Variants in BCAS3 observed in about 807,000 individuals in gnomAD.
BCAS3 encodes the protein BCAS4/BCAS3 fusion.
In BCAS3, 53 loss-of-function variants were observed where a neutral mutation model predicts 116.1. That is an observed-to-expected ratio of 0.46 (90% confidence interval 0.37 to 0.57). BCAS3 has a LOEUF of 0.57. BCAS3 is among the 20% of genes least tolerant of loss of function. The probability of loss-of-function intolerance (pLI) is 0.00; values close to 1 mark genes in which losing one functional copy is unlikely to be tolerated. For missense variants in BCAS3, 917 were observed against 1,165.4 expected (o/e 0.79, Z 3.10); for synonymous variants, 391 against 408.2 (o/e 0.96, Z 0.51).
chr17:61,011,513 T>G (rs1048964884), intron 15 of BCAS3, among the ~76,000 whole-genome samples: 4 of 152,102 alleles, frequency 2.6e-5, no homozygotes, highest in African/African-American at 9.7e-5. Flanking sequence ...TCTGGCAACC[T>G]TCTGAAGTAC....
At chr17:61,016,171 C>T (rs1273481423) in intron 16 of BCAS3, among the ~76,000 whole-genome samples, 1 of 152,172 alleles carries the variant, frequency 6.6e-6, no homozygotes, top group Non-Finnish European at 1.5e-5. Flanking sequence ...CCATCTACTT[C>T]GTCTTATGCT....
rs1466110024 is a variant in BCAS3 at position 61,300,891 on chromosome 17, A to G, written c.2426-67436A>G. ...CATATATTTGTGACAGGACATCTTC[A>G]TCTTAGTGCCACAGACCACTGGCAA... On this transcript the variant is annotated intron_variant, in intron 22 of 23. Coordinates refer to ENST00000407086, the MANE Select transcript of BCAS3 (RefSeq NM_017679.5). The surrounding 1 kb of genome is among the most constrained non-coding windows in gnomAD (Gnocchi z 5.1). Among the ~76,000 whole-genome samples, 1 of 152,192 alleles carries G rather than the reference A, an allele frequency of 6.6e-6. No homozygotes were observed.
Position 61,046,393 on chromosome 17 carries a change from T to C in BCAS3, c.2029+5501T>C, listed in dbSNP as rs1407214953. Among the ~76,000 whole-genome samples the C allele has an allele frequency of 1.1e-4, 17 of 151,400 alleles. 1 individual carries two copies. The highest frequency in any genetic ancestry group is 1.1e-3 in the Admixed American group (16 of 15,142). On this transcript the variant is annotated intron_variant, in intron 19 of 23. Transcript: ENST00000407086. ...ATTATTCTCAAAGAATTTTCAAATATAGTCATTCCTTGGTGTCATGGGAAA... is the reference window on the plus strand; with the variant it reads ...ATTATTCTCAAAGAATTTTCAAATACAGTCATTCCTTGGTGTCATGGGAAA...
chr17:60,953,814 A>C (rs1442246910), intron 14 of BCAS3, among the ~76,000 whole-genome samples: 1 of 150,662 alleles, frequency 6.6e-6, no homozygotes, highest in African/African-American at 2.5e-5. Context: ...GCTCACTGCA[A>C]CCTCTGCCTC....
intron 13 of BCAS3, among the ~76,000 whole-genome samples, chr17:60,928,975 T>G (rs2059500807): frequency 6.6e-6 from 1 of 152,248 alleles, no homozygotes. Flanking sequence ...CATAGATACC[T>G]CAGTAGCTGG....
chr17:61,087,128 A>T lies in BCAS3; in HGVS notation c.2425+2564A>T. ...AAAAAGAATCTAATAAATTTTTATA[A>T]TTGCTCTTGAACCGGGAAGTGCACC... On this transcript the variant is annotated intron_variant, in intron 22 of 23. Coordinates refer to ENST00000407086, the MANE Select transcript of BCAS3 (RefSeq NM_017679.5). This position sits in a 1 kb window ranked among gnomAD's most constrained non-coding sequence, Gnocchi z 4.6. 1.0e-6 allele frequency: 1 copy of T among 985,168 alleles called. No homozygotes were observed. The highest frequency in any genetic ancestry group is 4.7e-5 in the South Asian group (1 of 21,274). The allele number at this position is 985,168 out of a possible 1,614,324, so 61.0% of individuals were successfully genotyped here. A position where few individuals can be genotyped will look rare whatever the true frequency, so the allele number is the denominator to read the frequency against.
chr17:60,896,140 A>G (rs1013205608), intron 10 of BCAS3, among the ~76,000 whole-genome samples: 3 of 152,184 alleles, frequency 2.0e-5, no homozygotes, highest in African/African-American at 7.2e-5. Flanking sequence ...AGCCTGGCCA[A>G]CATGGCAAAA....
intron 22 of BCAS3, among the ~76,000 whole-genome samples, chr17:61,142,233 G>T (rs933552847): frequency 1.3e-5 from 2 of 152,120 alleles, no homozygotes; most frequent in Non-Finnish European, 2.9e-5. Context: ...GACTTAAAAA[G>T]GTTATTTGCC....
At position 61,003,688 on chromosome 17, in the gene BCAS3, C is replaced by G. The variant is rs897976641; in HGVS notation, c.1487-12063C>G. The G allele has an allele frequency of 3.8e-4, 58 of 152,202 alleles. 1 individual carries two copies. Among genetic ancestry groups the G allele is most frequent in the African/African-American group, 1.3e-3 (53 of 41,522 alleles). 9.4% of individuals were successfully genotyped at this position (152,202 alleles called of 1,614,324 possible). ...CTAGACTCCATCAGACTGATTGAACCAAAACACTGACCTCAGTGATGGGGA... is the reference window on the plus strand; with the variant it reads ...CTAGACTCCATCAGACTGATTGAACGAAAACACTGACCTCAGTGATGGGGA... On this transcript the variant is annotated intron_variant, in intron 15 of 23. Transcript: ENST00000407086.
chr17:61,226,481 C>T lies in BCAS3; in HGVS notation c.2426-141846C>T, dbSNP rs1298359824. 6.6e-6 allele frequency among the ~76,000 whole-genome samples: 1 copy of T among 152,122 alleles called. No individual in the cohort carries two copies. The highest frequency in any genetic ancestry group is 1.5e-5 in the Non-Finnish European group (1 of 68,032). ...CTTGCTTCTTAAAATATATTGAATA[C>T]ACTTTGCTGTAGGACAGGGCCTAGC... is the stretch of plus-strand genomic sequence containing the variant. On this transcript the variant is annotated intron_variant, in intron 22 of 23. Coordinates refer to ENST00000407086, the MANE Select transcript of BCAS3 (RefSeq NM_017679.5). This position sits in a 1 kb window ranked among gnomAD's most constrained non-coding sequence, Gnocchi z 6.0.
chr17:61,253,196 C>T (rs1288600924), intron 22 of BCAS3, among the ~76,000 whole-genome samples: 1 of 151,444 alleles, frequency 6.6e-6, no homozygotes, highest in African/African-American at 2.4e-5. Context: ...CCATTTGTTC[C>T]TACTACTTGC....
intron 22 of BCAS3, among the ~76,000 whole-genome samples, chr17:61,172,826 T>C (rs2078925946): frequency 6.6e-6 from 1 of 151,048 alleles, no homozygotes; most frequent in East Asian, 2.0e-4. Context: ...CTACTAAAAA[T>C]ACAAAAAGAA....
At position 61,134,443 on chromosome 17, in the gene BCAS3, G is replaced by A. The variant is rs562389553; in HGVS notation, c.2425+49879G>A. On this transcript the variant is annotated intron_variant, in intron 22 of 23. Coordinates refer to ENST00000407086, the MANE Select transcript of BCAS3 (RefSeq NM_017679.5). The surrounding 1 kb of genome is among the most constrained non-coding windows in gnomAD (Gnocchi z 4.6). ...GGAACCACGCATGTCTGACTCCAGA[G>A]CCCTCGCTTTTTACACCAGCCTCTA... Among the ~76,000 whole-genome samples the A allele has an allele frequency of 7.9e-4, 120 of 152,310 alleles. No homozygotes were observed. The Middle Eastern group carries it at 0.024, about 30-fold the overall frequency.
chr17:61,223,795 G>T (rs2082239949), intron 22 of BCAS3, among the ~76,000 whole-genome samples: 1 of 152,170 alleles, frequency 6.6e-6, no homozygotes, highest in African/African-American at 2.4e-5. Flanking sequence ...GCACCTCTGA[G>T]GGCCTTTGAT....
rs571783164 is a variant in BCAS3, at chr17:61,365,657, C to T, written c.2426-2670C>T. 8.0e-4 allele frequency among the ~76,000 whole-genome samples: 122 copies of T among 151,952 alleles called. No individual in the cohort carries two copies. Among genetic ancestry groups the T allele is most frequent in the Non-Finnish European group, 1.3e-3 (88 of 67,940 alleles). On this transcript the variant is annotated intron_variant, in intron 22 of 23. Transcript: ENST00000407086. The surrounding 1 kb of genome is among the most constrained non-coding windows in gnomAD (Gnocchi z 4.6). Reference sequence around the variant, plus strand: ...CCCAATTTCTTTTGTTTGTTTTCTTCCTGCTTTGGCTTTTGATATTCCTCT... The same window carrying T: ...CCCAATTTCTTTTGTTTGTTTTCTTTCTGCTTTGGCTTTTGATATTCCTCT...
At chr17:61,154,347 G>T (rs779676483) in intron 22 of BCAS3, among the ~76,000 whole-genome samples, 1 of 152,022 alleles carries the variant, frequency 6.6e-6, no homozygotes, top group African/African-American at 2.4e-5. Context: ...CACAGTCACC[G>T]TTTTTTGGAA....
chr17:60,905,496 C>T (rs2058140821), intron 11 of BCAS3, among the ~76,000 whole-genome samples: 1 of 152,154 alleles, frequency 6.6e-6, no homozygotes, highest in African/African-American at 2.4e-5. Context: ...CTTGTTTAAA[C>T]ACAGTAAACC....
intron 6 of BCAS3, among the ~76,000 whole-genome samples, chr17:60,763,767 A>T (rs556554993): frequency 1.3e-5 from 2 of 152,302 alleles, no homozygotes; most frequent in Admixed American, 1.3e-4. Flanking sequence ...CTTCAGAAGG[A>T]ATGGTACCAG....
intron 19 of BCAS3, among the ~76,000 whole-genome samples, chr17:61,053,701 G>A (rs1458796189): frequency 6.6e-6 from 1 of 152,176 alleles, no homozygotes; most frequent in Non-Finnish European, 1.5e-5. Flanking sequence ...GGGTAGGGGT[G>A]GAAGGGGAAG....
Sources: allele counts gnomAD v4.1 joint callset (sites outside exome capture counted in the v4.1 genomes callset), GRCh38; gene constraint gnomAD v4.1.1; non-coding constraint Gnocchi (gnomAD v3.1); transcripts MANE v1.5; gene names NCBI Gene and HGNC (gene_info 2026-07-23, HGNC 2026-07-21).